TOMM20L: variants seen among roughly 807,000 people sequenced by gnomAD.
TOMM20L encodes translocase of outer mitochondrial membrane 20 like.
TOMM20L carries 19 observed loss-of-function variants against 20.4 expected under a neutral mutation model. The observed-to-expected ratio is 0.93, with a 90% CI of 0.65 to 1.36. The LOEUF is 1.36. TOMM20L is among the 40% of genes most tolerant of loss of function. TOMM20L has a pLI of 0.00. For synonymous variants in TOMM20L, 75 were observed against 79.6 expected (o/e 0.94, Z 0.30); for missense variants, 218 against 203.7 (o/e 1.07, Z -0.43).
downstream of TOMM20L, among the ~76,000 whole-genome samples, chr14:58,413,111 A>T (rs1054914502): frequency 6.6e-6 from 1 of 152,208 alleles, no homozygotes. Context: ...AAGACATTTT[A>T]CGTTCCTTTT....
At chr14:58,404,115 A>ATTTTTT (rs2036026261) in intron 3 of TOMM20L, among the ~76,000 whole-genome samples, 1 of 15,166 alleles carries the variant, frequency 6.6e-5, no homozygotes, top group African/African-American at 1.4e-4. Flanking sequence ...ATATATATAT[A>ATTTTTT]TATATTTTTT....
chr14:58,413,992 G>T, the TOMM20L span, among the ~76,000 whole-genome samples: 51 of 102,620 alleles, frequency 5.0e-4, 1 homozygote, highest in African/African-American at 1.9e-3. Flanking sequence ...GGGTGACAGA[G>T]TGAGATTCCG....
chr14:58,413,209 C>T (rs1216675087), downstream of TOMM20L, among the ~76,000 whole-genome samples: 2 of 151,942 alleles, frequency 1.3e-5, no homozygotes, highest in African/African-American at 4.8e-5. Flanking sequence ...AAATACTTGG[C>T]CTATATTTAG....
chr14:58,407,423 C>A lies in TOMM20L; in HGVS notation c.360C>A (p.Pro120=). Residue 120 remains proline (P), a synonymous_variant, in exon 4 of 5, where the codon CCC becomes CCA. Coordinates refer to ENST00000360945, the MANE Select transcript of TOMM20L (RefSeq NM_207377.3). The part of the protein sequence containing the change: ...LLKVFKHTLP[P]KVFEMLLHKI... ...AAGTTTTCAAACACACTCTCCCTCC[C>A]AAGGTATTTGAGATGCTGTTGCACA... 1 of 1,613,838 alleles carries A rather than the reference C, an allele frequency of 6.2e-7. No individual in the cohort carries two copies. The highest frequency in any genetic ancestry group is 2.2e-5 in the East Asian group (1 of 44,838).
At chr14:58,396,175 C>A in intron 1 of TOMM20L, 82 bp downstream of exon 1, 1 of 1,379,704 alleles carries the variant, frequency 7.2e-7, no homozygotes, top group South Asian at 1.7e-5. Flanking sequence ...CACTGAGAGG[C>A]CGGGCCGTGA....
In TOMM20L at chr14:58,408,575, CTGAT is replaced by C. The variant is rs2036107190; in HGVS notation, c.456_459del (p.Asp152GlufsTer11). The stretch of plus-strand genomic sequence containing the variant: ...GAACAGGACTGCTTGGAGGATGATC[CTGAT>C]TGAAAAACATTTCAACGTATCCACA... On this transcript the variant is annotated frameshift_variant, in exon 5 of 5. Coordinates refer to ENST00000360945, the MANE Select transcript of TOMM20L (RefSeq NM_207377.3). LOFTEE classifies it high-confidence loss of function. The C allele has an allele frequency of 1.9e-6, 3 of 1,613,772 alleles. No individual in the cohort carries two copies. Among genetic ancestry groups the C allele is most frequent in the Non-Finnish European group, 2.5e-6 (3 of 1,179,924 alleles).
intron 2 of TOMM20L, among the ~76,000 whole-genome samples, chr14:58,399,853 A>G (rs2140300490): frequency 7.3e-6 from 1 of 137,764 alleles, no homozygotes; most frequent in South Asian, 2.4e-4. Context: ...ATCATAAACA[A>G]TGACCAATTC....
chr14:58,404,099 G>GTATA (rs1491246989), intron 3 of TOMM20L, among the ~76,000 whole-genome samples: 9 of 22,942 alleles, frequency 3.9e-4, no homozygotes, highest in African/African-American at 1.1e-3. Flanking sequence ...ACATATATAT[G>GTATA]TATATATATA....
chr14:58,408,103 T>C lies in TOMM20L; in HGVS notation c.406-426T>C, dbSNP rs183852290. 1.7e-3 allele frequency among the ~76,000 whole-genome samples: 255 copies of C among 152,300 alleles called. 3 individuals carry two copies. The highest frequency in any genetic ancestry group is 6.8e-3 in the Middle Eastern group (2 of 294). On this transcript the variant is annotated intron_variant, in intron 4 of 4. Transcript: ENST00000360945. ...AACTAGGGCAGATGGGATTGTTTCC[T>C]GAAGATATACGAAAATGTAGGTAAG...
At chr14:58,416,536 C>T in the TOMM20L span, among the ~76,000 whole-genome samples, 8 of 152,262 alleles carry the variant, frequency 5.3e-5, no homozygotes, top group Non-Finnish European at 7.4e-5. Context: ...CTAAAATAAT[C>T]GCTCAAGTTT....
downstream of TOMM20L, among the ~76,000 whole-genome samples, chr14:58,411,113 T>C (rs2036200791): frequency 1.3e-5 from 2 of 152,232 alleles, no homozygotes; most frequent in Admixed American, 6.5e-5. Context: ...TATTTTCTAG[T>C]TGAATATTTA....
At position 58,402,728 on chromosome 14, in the gene TOMM20L, G is replaced by C; in HGVS notation, c.229G>C (p.Glu77Gln). The C allele has an allele frequency of 6.2e-7, 1 of 1,613,878 alleles. No homozygotes were observed. Among genetic ancestry groups the C allele is most frequent in the Non-Finnish European group, 8.5e-7 (1 of 1,179,822 alleles). ...AAAGTTGCAAGAACTTTTCTTGCAAGAGGTACGGATGGGAGAACTTTGGTT... is the reference window on the plus strand; with the variant it reads ...AAAGTTGCAAGAACTTTTCTTGCAACAGGTACGGATGGGAGAACTTTGGTT... ...NKKLQELFLQ[E>Q]VRMGELWLSR... The change falls in exon 3 of 5, where the codon GAG becomes CAG. Residue 77 changes from glutamate (E) to glutamine (Q), a missense_variant. Transcript: ENST00000360945.
intron 3 of TOMM20L, among the ~76,000 whole-genome samples, chr14:58,406,807 C>G (rs564487248): frequency 1.3e-5 from 2 of 152,326 alleles, no homozygotes; most frequent in East Asian, 3.9e-4. Context: ...TAAAACTGTG[C>G]TTAGAAATCA....
intron 2 of TOMM20L, among the ~76,000 whole-genome samples, chr14:58,397,809 A>T (rs1373126272): frequency 6.6e-6 from 1 of 152,192 alleles, no homozygotes; most frequent in Non-Finnish European, 1.5e-5. Context: ...GGAATTTTTT[A>T]AAAAGAAGGA....
At chr14:58,411,574 C>G (rs749944610), downstream of TOMM20L, among the ~76,000 whole-genome samples, 10 of 151,298 alleles carry the variant, frequency 6.6e-5, no homozygotes, top group Non-Finnish European at 1.5e-4. Flanking sequence ...GAGTCTTGCT[C>G]TGTCACCCAG....
intron 3 of TOMM20L, among the ~76,000 whole-genome samples, chr14:58,404,516 G>T (rs956618805): frequency 6.9e-6 from 1 of 145,536 alleles, no homozygotes; most frequent in Non-Finnish European, 1.5e-5. Context: ...TTTTCAAAAG[G>T]TTTTTTTTTT....
intron 2 of TOMM20L, among the ~76,000 whole-genome samples, chr14:58,401,956 C>T (rs532323080): frequency 1.3e-5 from 2 of 152,290 alleles, no homozygotes; most frequent in African/African-American, 4.8e-5. Context: ...GAACAGGTCT[C>T]ACAACTAAAA....
At chr14:58,398,447 G>C (rs1332406440) in intron 2 of TOMM20L, 1 of 152,178 alleles carries the variant, frequency 6.6e-6, no homozygotes, top group African/African-American at 2.4e-5. Flanking sequence ...TCAGTTTAGT[G>C]TCTTACCGTG....
At chr14:58,407,272 T>C in intron 3 of TOMM20L, 54 bp from the exon 4 acceptor site, 2 of 1,515,370 alleles carry the variant, frequency 1.3e-6, no homozygotes, top group Non-Finnish European at 1.8e-6. Context: ...ATTTGTAGAA[T>C]GTCTGTTTTA....
Sources: gnomAD v4.1 joint callset for allele counts (sites outside exome capture counted in the v4.1 genomes callset) on GRCh38, gnomAD v4.1.1 for gene constraint, MANE v1.5 for transcripts, NCBI Gene and HGNC (gene_info 2026-07-23, HGNC 2026-07-21) for gene names.